ZNF341: variants seen among roughly 807,000 people sequenced by gnomAD.
ZNF341 encodes the protein zinc finger protein 341.
In ZNF341, 52 loss-of-function variants were observed where a neutral mutation model predicts 87.7. The observed-to-expected ratio is 0.59, with a 90% CI of 0.47 to 0.75. ZNF341 has a LOEUF of 0.75. Among genes scored for constraint, ZNF341 ranks in the 30% least tolerant of loss-of-function variants. The pLI, the probability that ZNF341 is intolerant of heterozygous loss-of-function variation, is 0.00. For missense variants in ZNF341, 977 were observed against 1,145.9 expected (o/e 0.85, Z 2.13); for synonymous variants, 459 against 472.7 (o/e 0.97, Z 0.38).
intron 1 of ZNF341, among the ~76,000 whole-genome samples, chr20:33,737,014 G>T (rs1220989406): frequency 6.6e-6 from 1 of 152,182 alleles, no homozygotes. Flanking sequence ...GGCACAGAAA[G>T]GTAGAGAAGA....
intron 3 of ZNF341, among the ~76,000 whole-genome samples, chr20:33,745,999 C>T (rs143482092): frequency 0.083 from 12,228 of 147,932 alleles, 518 homozygotes; most frequent in East Asian, 0.17. Flanking sequence ...GGCGCCATCT[C>T]GGCTCACCGC....
chr20:33,757,384 G>A, intron 6 of ZNF341, 41 bp downstream of exon 6: 2 of 1,416,962 alleles, frequency 1.4e-6, no homozygotes, highest in Non-Finnish European at 1.9e-6. Context: ...CCTCAACATT[G>A]GCCAATCCAC....
chr20:33,758,589 C>T (rs911737703), intron 6 of ZNF341, 127 bp from the exon 7 acceptor site: 2 of 675,550 alleles, frequency 3.0e-6, no homozygotes, highest in African/African-American at 1.8e-5. Flanking sequence ...CCTCCCTGGC[C>T]TGTGTATGGG....
At chr20:33,760,656 A>G (rs927033746) in intron 7 of ZNF341, among the ~76,000 whole-genome samples, 7 of 151,770 alleles carry the variant, frequency 4.6e-5, no homozygotes, top group African/African-American at 1.7e-4. Context: ...CAATCCTTCT[A>G]CCTCAGCCTC....
At chr20:33,750,317 T>C (rs2019026540) in intron 4 of ZNF341, among the ~76,000 whole-genome samples, 1 of 152,222 alleles carries the variant, frequency 6.6e-6, no homozygotes, top group Non-Finnish European at 1.5e-5. Context: ...GGTGTTTTAC[T>C]TCTCCCCTTG....
chr20:33,782,128 C>G (rs1422670062), intron 11 of ZNF341, among the ~76,000 whole-genome samples: 1 of 152,168 alleles, frequency 6.6e-6, no homozygotes, highest in African/African-American at 2.4e-5. Flanking sequence ...TTTTCAGTGA[C>G]TCTGAAAGCC....
chr20:33,789,056 C>A, intron 13 of ZNF341, 82 bp downstream of exon 13: 1 of 1,064,496 alleles, frequency 9.4e-7, no homozygotes, highest in Admixed American at 2.2e-5. Context: ...GGACAGATGT[C>A]AGGCCTGAGG....
intron 4 of ZNF341, 41 bp from the exon 5 acceptor site, chr20:33,753,131 G>A (rs1403495189): frequency 1.2e-6 from 2 of 1,610,754 alleles, no homozygotes; most frequent in Non-Finnish European, 1.7e-6. Context: ...TAAGACAACT[G>A]GTATCAAGAG....
At chr20:33,767,471 T>C (rs1051854086) in intron 9 of ZNF341, among the ~76,000 whole-genome samples, 10 of 151,546 alleles carry the variant, frequency 6.6e-5, no homozygotes, top group African/African-American at 1.9e-4. Context: ...TCCACCTCCA[T>C]GTTGGCCAGG....
intron 8 of ZNF341, among the ~76,000 whole-genome samples, chr20:33,765,507 TA>T (rs2019385807): frequency 6.6e-6 from 1 of 151,516 alleles, no homozygotes; most frequent in South Asian, 2.1e-4. Flanking sequence ...GCTTCCTGGG[TA>T]GGTGGGACCA....
intron 4 of ZNF341, among the ~76,000 whole-genome samples, chr20:33,749,542 C>G (rs552050053): frequency 3.9e-4 from 60 of 152,272 alleles, no homozygotes; most frequent in Non-Finnish European, 6.2e-4. Context: ...AGTGAGCCCC[C>G]CACCTCAGCC....
intron 8 of ZNF341, among the ~76,000 whole-genome samples, chr20:33,763,591 G>A (rs1479237342): frequency 6.6e-6 from 1 of 152,118 alleles, no homozygotes; most frequent in Non-Finnish European, 1.5e-5. Context: ...GAGCCACCAT[G>A]CCTGGCTAAC....
At position 33,740,499 on chromosome 20, in the gene ZNF341, T is replaced by C. The variant is rs538347303; in HGVS notation, c.32-403T>C. 1.8e-4 allele frequency among the ~76,000 whole-genome samples: 28 copies of C among 152,226 alleles called. No homozygotes were observed. The South Asian group carries it at 5.4e-3, about 29-fold the overall frequency. Reference sequence around the variant, plus strand: ...GGGGCATAGCCGGCCATCCTTGCCATGGGGTTTTGTCTTGCTTGAGACAGG... The same window carrying C: ...GGGGCATAGCCGGCCATCCTTGCCACGGGGTTTTGTCTTGCTTGAGACAGG... On this transcript the variant is annotated intron_variant, in intron 1 of 14. Coordinates refer to ENST00000375200, the MANE Select transcript of ZNF341 (RefSeq NM_001282933.2).
Position 33,753,177 on chromosome 20 carries a change from C to T in ZNF341, c.495C>T (p.Ser165=), listed in dbSNP as rs1488775466. ...TTTTTCTTTTCTGATTTCAGAGCAGCCTGAACATGCATTCCGTGCCCAGCT... is the reference window on the plus strand; with the variant it reads ...TTTTTCTTTTCTGATTTCAGAGCAGTCTGAACATGCATTCCGTGCCCAGCT... The part of the protein sequence containing the change: ...MPQGPPPVQS[S]LNMHSVPSYL... The change falls in exon 5 of 15, where the codon AGC becomes AGT. Residue 165 remains serine, a synonymous_variant. Coordinates refer to ENST00000375200, the MANE Select transcript of ZNF341 (RefSeq NM_001282933.2). The T allele has an allele frequency of 6.2e-7, 1 of 1,611,980 alleles. No homozygotes were observed. The highest frequency in any genetic ancestry group is 8.5e-7 in the Non-Finnish European group (1 of 1,180,036).
chr20:33,791,581 G>A lies in ZNF341; in HGVS notation c.*64G>A. 6.9e-7 allele frequency: 1 copy of A among 1,453,426 alleles called. No individual in the cohort carries two copies. Among genetic ancestry groups the A allele is most frequent in the Admixed American group, 2.5e-5 (1 of 39,946 alleles). The allele number at this position is 1,453,426 out of a possible 1,614,324, so 90.0% of individuals were successfully genotyped here. ...TCCTGTTTGGGTCCAGGGCCCCTGG[G>A]GGCAGACCGGTGATCCTTACCAGTG... On this transcript the variant is annotated 3_prime_UTR_variant, in exon 15 of 15. Coordinates refer to ENST00000375200, the MANE Select transcript of ZNF341 (RefSeq NM_001282933.2).
At chr20:33,783,582 G>T (rs2019785919) in intron 11 of ZNF341, 150 bp from the exon 12 acceptor site, 2 of 1,087,640 alleles carry the variant, frequency 1.8e-6, no homozygotes, top group Admixed American at 3.9e-5. Flanking sequence ...AGTTCTAAGG[G>T]CTGAGTCTGA....
Position 33,748,987 on chromosome 20 carries a change from T to C in ZNF341, c.404T>C (p.Leu135Ser). ...LIQTLVQGNI[L>S]VSDDVLMSAM... Reference sequence around the variant, plus strand: ...CAGACCCTGGTGCAGGGGAACATCTTGGTGAGCGATGATGTGCTCATGTCT... The same window carrying C: ...CAGACCCTGGTGCAGGGGAACATCTCGGTGAGCGATGATGTGCTCATGTCT... The change falls in exon 4 of 15, where the codon TTG (leucine) becomes TCG (serine). Residue 135 changes from leucine to serine, a missense_variant. By Grantham distance (145) the Leu-to-Ser change is moderately radical. Coordinates refer to ENST00000375200, the MANE Select transcript of ZNF341 (RefSeq NM_001282933.2). 1 of 1,614,204 alleles carries C rather than the reference T, an allele frequency of 6.2e-7. No homozygotes were observed. The highest frequency in any genetic ancestry group is 8.5e-7 in the Non-Finnish European group (1 of 1,180,034).
intron 2 of ZNF341, 57 bp from the exon 3 acceptor site, chr20:33,745,046 T>A: frequency 6.6e-7 from 1 of 1,523,776 alleles, no homozygotes; most frequent in South Asian, 1.2e-5. Flanking sequence ...TGCTTTTTTT[T>A]CATTACTTTA....
intron 5 of ZNF341, among the ~76,000 whole-genome samples, chr20:33,753,734 G>T (rs2019110576): frequency 6.6e-6 from 1 of 152,114 alleles, no homozygotes; most frequent in African/African-American, 2.4e-5. Flanking sequence ...GCAAAAAAAA[G>T]AAAAAAGATT....
Sources: allele counts gnomAD v4.1 joint callset (sites outside exome capture counted in the v4.1 genomes callset), GRCh38; gene constraint gnomAD v4.1.1; transcripts MANE v1.5; gene names NCBI Gene and HGNC (gene_info 2026-07-23, HGNC 2026-07-21).